The following DLGAP1 variants were observed in gnomAD, a reference collection of about 807,000 sequenced individuals.
DLGAP1 encodes the protein DLG associated protein 1.
Under a neutral mutation model 90.8 loss-of-function variants are expected in DLGAP1, and 11 were observed. The ratio of observed to expected loss-of-function variants is 0.12; its 90% CI spans 0.08 to 0.20. The LOEUF (loss-of-function observed/expected upper bound fraction) is 0.20, where lower values mean the gene tolerates loss of function less well. DLGAP1 is among the 10% of genes least tolerant of loss of function. DLGAP1 has a pLI of 1.00. For synonymous variants in DLGAP1, 558 were observed against 540.7 expected (o/e 1.03, Z -0.44); for missense variants, 1,050 against 1,333.8 (o/e 0.79, Z 3.31).
At chr18:4,002,456 A>G (rs1364990084) in intron 3 of DLGAP1, among the ~76,000 whole-genome samples, 1 of 46,970 alleles carries the variant, frequency 2.1e-5, no homozygotes, top group Non-Finnish European at 5.9e-5. Context: ...CAGCCTACTC[A>G]ACGTGAGGAT....
chr18:4,266,944 A>T (rs1212959517), intron 1 of DLGAP1, among the ~76,000 whole-genome samples: 3 of 151,918 alleles, frequency 2.0e-5, no homozygotes, highest in Non-Finnish European at 2.9e-5. Flanking sequence ...ATCAAGTCTG[A>T]TATCCATACA....
Position 4,356,713 on chromosome 18 carries a change from T to C in DLGAP1, c.-267+98293A>G, listed in dbSNP as rs565165812. Among the ~76,000 whole-genome samples the C allele has an allele frequency of 4.6e-5, 7 of 152,326 alleles. No individual in the cohort carries two copies. In the East Asian group the frequency reaches 1.4e-3, roughly 29 times the overall value. ...ACTCTGCCCTCACTCCCTACATGCC[T>C]GTTCCGTGCAGTAAACTAAGTGCTC... On this transcript the variant is annotated intron_variant, in intron 1 of 12. Coordinates refer to ENST00000315677, the MANE Select transcript of DLGAP1 (RefSeq NM_004746.4).
At chr18:3,839,395 A>C (rs992722864) in intron 4 of DLGAP1, among the ~76,000 whole-genome samples, 2 of 152,226 alleles carry the variant, frequency 1.3e-5, no homozygotes, top group African/African-American at 4.8e-5. Context: ...TGGTGTCAGC[A>C]AAGTGTGAAA....
chr18:3,703,870 TC>T (rs1015140939), intron 7 of DLGAP1, among the ~76,000 whole-genome samples: 2 of 152,082 alleles, frequency 1.3e-5, no homozygotes, highest in Admixed American at 1.3e-4. Flanking sequence ...GAAGAGAATT[TC>T]CTTGGAGATT....
chr18:3,562,618 CA>C (rs2054201004), intron 9 of DLGAP1, among the ~76,000 whole-genome samples: 1 of 146,534 alleles, frequency 6.8e-6, no homozygotes, highest in Non-Finnish European at 1.5e-5. Context: ...GATCTCGGCT[CA>C]CTGCAGCTTC....
chr18:3,631,688 A>G (rs2058530554), intron 7 of DLGAP1, among the ~76,000 whole-genome samples: 1 of 152,180 alleles, frequency 6.6e-6, no homozygotes, highest in African/African-American at 2.4e-5. Flanking sequence ...TAGAAACTGC[A>G]GTAAGCCGTG....
At chr18:4,239,163 C>T (rs1397222748) in intron 1 of DLGAP1, among the ~76,000 whole-genome samples, 1 of 152,104 alleles carries the variant, frequency 6.6e-6, no homozygotes, top group Non-Finnish European at 1.5e-5. Flanking sequence ...TTATGGTTGC[C>T]AAGGAGAAGT....
intron 5 of DLGAP1, among the ~76,000 whole-genome samples, chr18:3,773,543 G>A (rs1303756855): frequency 6.6e-6 from 1 of 152,186 alleles, no homozygotes; most frequent in Non-Finnish European, 1.5e-5. Flanking sequence ...GATGATTTCA[G>A]TTATCTGGTT....
intron 7 of DLGAP1, among the ~76,000 whole-genome samples, chr18:3,624,261 C>A (rs901783549): frequency 6.6e-6 from 1 of 152,222 alleles, no homozygotes; most frequent in African/African-American, 2.4e-5. Context: ...GCGCATAGGT[C>A]TGACACTGCT....
intron 1 of DLGAP1, among the ~76,000 whole-genome samples, chr18:4,305,120 C>T (rs907373554): frequency 2.0e-5 from 3 of 152,002 alleles, no homozygotes; most frequent in Non-Finnish European, 4.4e-5. Context: ...GGTGAGGACG[C>T]ACAAAAAGGA....
Position 3,824,142 on chromosome 18 carries a change from A to G in DLGAP1, c.958-9869T>C, listed in dbSNP as rs77854067. 3.2e-3 allele frequency among the ~76,000 whole-genome samples: 485 copies of G among 152,124 alleles called. 19 individuals are homozygous for G. The East Asian group carries it at 0.085, about 27-fold the overall frequency. On this transcript the variant is annotated intron_variant, in intron 4 of 12. Coordinates refer to ENST00000315677, the MANE Select transcript of DLGAP1 (RefSeq NM_004746.4). ...AGTTGAGCCATCATAGCTTTCCATT[A>G]TTGTTATAGTTACTAGTGTGCTGGT...
chr18:3,647,760 C>T lies in DLGAP1; in HGVS notation c.1592-65512G>A, dbSNP rs145368517. ...GATTACAGGTGTGAGCCACCACGCCCGGTCTATTTAAGCTTCTTAATCAAC... is the reference window on the plus strand; with the variant it reads ...GATTACAGGTGTGAGCCACCACGCCTGGTCTATTTAAGCTTCTTAATCAAC... On this transcript the variant is annotated intron_variant, in intron 7 of 12. Coordinates refer to ENST00000315677, the MANE Select transcript of DLGAP1 (RefSeq NM_004746.4). Among the ~76,000 whole-genome samples the T allele has an allele frequency of 4.3e-3, 659 of 152,198 alleles. 5 individuals are homozygous for T. The highest frequency in any genetic ancestry group is 0.015 in the African/African-American group (607 of 41,526).
At chr18:4,363,396 G>C (rs1183568310) in intron 1 of DLGAP1, among the ~76,000 whole-genome samples, 2 of 152,136 alleles carry the variant, frequency 1.3e-5, no homozygotes, top group East Asian at 1.9e-4. Flanking sequence ...TTGGCTCAAG[G>C]TGTTTAAACA....
chr18:4,392,129 T>C (rs940236318), intron 1 of DLGAP1, among the ~76,000 whole-genome samples: 1 of 152,062 alleles, frequency 6.6e-6, no homozygotes, highest in African/African-American at 2.4e-5. Flanking sequence ...TACTAGGTCA[T>C]AAAAAACGGA....
intron 1 of DLGAP1, among the ~76,000 whole-genome samples, chr18:4,265,169 TTCTC>T (rs2079082983): frequency 7.0e-6 from 1 of 143,120 alleles, no homozygotes; most frequent in Admixed American, 6.8e-5. Flanking sequence ...CCTCCCTTCT[TTCTC>T]TCTTTCTTTC....
At chr18:4,129,816 T>C (rs1036966598) in intron 2 of DLGAP1, among the ~76,000 whole-genome samples, 2 of 152,084 alleles carry the variant, frequency 1.3e-5, no homozygotes, top group African/African-American at 4.8e-5. Context: ...AATAGTTAAT[T>C]TGAAGGAATA....
chr18:3,525,275 T>C (rs762425488), intron 10 of DLGAP1, among the ~76,000 whole-genome samples: 1 of 152,194 alleles, frequency 6.6e-6, no homozygotes, highest in Non-Finnish European at 1.5e-5. Context: ...ATATACATCA[T>C]ATAGATAAAG....
Position 4,129,466 on chromosome 18 carries a change from G to A in DLGAP1, c.-159+21714C>T, listed in dbSNP as rs564699974. On this transcript the variant is annotated intron_variant, in intron 2 of 12. Transcript: ENST00000315677. ...TCTATCTTTCCTTCATCATGAAGGA[G>A]AGGGTGGGAAATCGTGGTGCGTCAT... Among the ~76,000 whole-genome samples the A allele has an allele frequency of 1.8e-4, 27 of 152,230 alleles. 1 individual carries two copies. The South Asian group carries it at 2.3e-3, about 13-fold the overall frequency.
intron 1 of DLGAP1, among the ~76,000 whole-genome samples, chr18:4,204,174 AAT>A (rs2077669740): frequency 6.6e-6 from 1 of 152,208 alleles, no homozygotes; most frequent in African/African-American, 2.4e-5. Context: ...GTCTGTACAT[AAT>A]AGTGTCAATA....
Sources: allele counts gnomAD v4.1 joint callset (sites outside exome capture counted in the v4.1 genomes callset), GRCh38; gene constraint gnomAD v4.1.1; transcripts MANE v1.5; gene names NCBI Gene and HGNC (gene_info 2026-07-23, HGNC 2026-07-21).